Variants in NAV3 observed in about 807,000 individuals in gnomAD.
NAV3 encodes the protein neuron navigator 3.
Under a neutral mutation model 244.7 loss-of-function variants are expected in NAV3, and 87 were observed. The ratio of observed to expected loss-of-function variants is 0.36; its 90% CI spans 0.30 to 0.42. The LOEUF (loss-of-function observed/expected upper bound fraction) is 0.42, where lower values mean the gene tolerates loss of function less well. Ranked by LOEUF, NAV3 falls within the 20% of genes least tolerant of loss-of-function variation. The probability of loss-of-function intolerance (pLI) is 1.00; values close to 1 mark genes in which losing one functional copy is unlikely to be tolerated. For synonymous variants in NAV3, 1,126 were observed against 1,042.2 expected (o/e 1.08, Z -1.55); for missense variants, 2,663 against 2,893.3 (o/e 0.92, Z 1.83).
intron 7 of NAV3, among the ~76,000 whole-genome samples, chr12:77,999,704 A>G (rs1466626738): frequency 6.6e-6 from 1 of 152,240 alleles, no homozygotes; most frequent in African/African-American, 2.4e-5. Flanking sequence ...TTTAAAATAT[A>G]AAATAAAATT....
At chr12:78,032,195 CAT>C (rs1879118333) in intron 9 of NAV3, among the ~76,000 whole-genome samples, 1 of 152,098 alleles carries the variant, frequency 6.6e-6, no homozygotes, top group African/African-American at 2.4e-5. Flanking sequence ...GGATGTATGA[CAT>C]GTAAAGATTT....
At chr12:78,089,800 AT>A (rs1462220799) in intron 12 of NAV3, among the ~76,000 whole-genome samples, 5 of 152,146 alleles carry the variant, frequency 3.3e-5, no homozygotes, top group African/African-American at 1.2e-4. Flanking sequence ...ATAAAGAATA[AT>A]TTGTCATCCC....
intron 2 of NAV3, among the ~76,000 whole-genome samples, chr12:77,629,937 T>G (rs997130450): frequency 4.6e-5 from 7 of 152,260 alleles, no homozygotes; most frequent in African/African-American, 1.7e-4. Flanking sequence ...AACACCAGCA[T>G]CCTCAAAATT....
At chr12:77,796,822 G>T (rs1245151479) in intron 2 of NAV3, among the ~76,000 whole-genome samples, 1 of 149,602 alleles carries the variant, frequency 6.7e-6, no homozygotes, top group South Asian at 2.1e-4. Flanking sequence ...AAGACTTTTA[G>T]CAATAAAGTA....
chr12:78,185,630 A>G lies in NAV3; in HGVS notation c.5722A>G (p.Thr1908Ala). Reference sequence around the variant, plus strand: ...TTTGCTAGATGATGCTGGTGATGCAACTGGACATAAAGATGGCCGCAGTGT... The same window carrying G: ...TTTGCTAGATGATGCTGGTGATGCAGCTGGACATAAAGATGGCCGCAGTGT... ...DILLDDAGDA[T>A]GHKDGRSVKI... Residue 1908 changes from threonine (T) to alanine (A), a missense_variant, in exon 31 of 40, where the codon ACT becomes GCT. By Grantham distance (58) the Thr-to-Ala change is moderately conservative (BLOSUM62 0). Around this residue, in one of 6 missense-constraint regions of NAV3, gnomAD observed 543 missense variants for 672.4 expected, o/e 0.81. Coordinates refer to ENST00000397909, the MANE Select transcript of NAV3 (RefSeq NM_001024383.2). The G allele has an allele frequency of 6.2e-7, 1 of 1,608,490 alleles. No individual in the cohort carries two copies. The highest frequency in any genetic ancestry group is 8.5e-7 in the Non-Finnish European group (1 of 1,177,338).
At chr12:77,733,062 G>C (rs1208861121) in intron 2 of NAV3, among the ~76,000 whole-genome samples, 1 of 151,898 alleles carries the variant, frequency 6.6e-6, no homozygotes. Flanking sequence ...TAATATGATT[G>C]ATTTTTTTTC....
intron 12 of NAV3, among the ~76,000 whole-genome samples, chr12:78,105,024 G>C (rs957595038): frequency 6.6e-6 from 1 of 152,010 alleles, no homozygotes. Context: ...CCTAGAAATG[G>C]TATCACTAGG....
intron 1 of NAV3, among the ~76,000 whole-genome samples, chr12:77,928,179 C>T (rs1470205097): frequency 2.7e-5 from 4 of 146,560 alleles, no homozygotes; most frequent in Admixed American, 6.9e-5. Context: ...GCCGAGACTG[C>T]GCCACTGCAC....
At chr12:77,731,359 C>T (rs1250707718) in intron 2 of NAV3, among the ~76,000 whole-genome samples, 1 of 151,936 alleles carries the variant, frequency 6.6e-6, no homozygotes, top group African/African-American at 2.4e-5. Flanking sequence ...GACAAGAACA[C>T]AGAAAATTGT....
At chr12:77,974,703 A>C (rs1021192534) in intron 5 of NAV3, among the ~76,000 whole-genome samples, 1 of 152,148 alleles carries the variant, frequency 6.6e-6, no homozygotes, top group Non-Finnish European at 1.5e-5. Context: ...CCTGCTTGCC[A>C]ATTCCCAGCG....
chr12:78,027,195 GGA>G (rs1878199872), intron 9 of NAV3, among the ~76,000 whole-genome samples: 1 of 151,970 alleles, frequency 6.6e-6, no homozygotes, highest in Non-Finnish European at 1.5e-5. Context: ...CAGCACTTTA[GGA>G]GACCAAGGCA....
intron 2 of NAV3, among the ~76,000 whole-genome samples, chr12:77,785,790 G>A (rs568363930): frequency 8.5e-5 from 13 of 152,282 alleles, no homozygotes; most frequent in East Asian, 7.7e-4. Context: ...GTGGGCTACC[G>A]TATTAATTTC....
intron 2 of NAV3, among the ~76,000 whole-genome samples, chr12:77,724,044 A>T (rs996815406): frequency 6.6e-6 from 1 of 151,862 alleles, no homozygotes; most frequent in Non-Finnish European, 1.5e-5. Flanking sequence ...TTAAATGGGG[A>T]TAACTCTTAT....
chr12:78,188,445 C>A, intron 32 of NAV3, 102 bp downstream of exon 32: 1 of 1,202,474 alleles, frequency 8.3e-7, no homozygotes, highest in Non-Finnish European at 1.2e-6. Flanking sequence ...TTCCTCTCCT[C>A]AAATAAGGAA....
intron 2 of NAV3, among the ~76,000 whole-genome samples, chr12:77,590,736 T>C (rs711106): frequency 0.75 from 114,168 of 152,192 alleles, 43,010 homozygotes; most frequent in African/African-American, 0.8. Flanking sequence ...AGAGTTTATA[T>C]ATAAAAGCTT....
intron 12 of NAV3, among the ~76,000 whole-genome samples, chr12:78,060,925 A>G (rs1052400179): frequency 5.9e-5 from 9 of 152,152 alleles, no homozygotes; most frequent in African/African-American, 2.2e-4. Flanking sequence ...TGGTTTGGGG[A>G]CAGTGGGATA....
Position 77,801,414 on chromosome 12 carries a change from A to G in NAV3, c.73-138905A>G, listed in dbSNP as rs1871695940. Among the ~76,000 whole-genome samples the G allele has an allele frequency of 3.3e-5, 5 of 152,172 alleles. No individual in the cohort carries two copies. In the South Asian group the frequency reaches 1.0e-3, roughly 32 times the overall value. ...TTTAAAATTCATATTTTTAACATTT[A>G]TGTGCATCTCTCTCACACTATACAT... is the stretch of plus-strand genomic sequence containing the variant. On this transcript the variant is annotated intron_variant, in intron 2 of 8. Transcript: ENST00000550042.
intron 3 of NAV3, chr12:77,947,534 G>A (rs542623512): frequency 1.3e-5 from 2 of 151,592 alleles, no homozygotes; most frequent in South Asian, 4.2e-4. Flanking sequence ...CAAAATTGTA[G>A]CACTATGACT....
At chr12:78,188,451 A>G in intron 32 of NAV3, 108 bp downstream of exon 32, 1 of 1,190,578 alleles carries the variant, frequency 8.4e-7, no homozygotes, top group Non-Finnish European at 1.2e-6. Flanking sequence ...TCCTCAAATA[A>G]GGAAAGCTTT....
Sources: allele counts gnomAD v4.1 joint callset (sites outside exome capture counted in the v4.1 genomes callset), GRCh38; gene constraint gnomAD v4.1.1; regional missense constraint gnomAD v4.1.1; transcripts MANE v1.5; gene names NCBI Gene and HGNC (gene_info 2026-07-23, HGNC 2026-07-21).